NELL1: variants seen among roughly 807,000 people sequenced by gnomAD.
NELL1 encodes protein kinase C-binding protein NELL1.
In NELL1, 76 loss-of-function variants were observed where a neutral mutation model predicts 107.4. That is an observed-to-expected ratio of 0.71 (90% CI 0.59 to 0.86). The LOEUF (loss-of-function observed/expected upper bound fraction) is 0.86, where lower values mean the gene tolerates loss of function less well. Among genes scored for constraint, NELL1 ranks in the 40% least tolerant of loss-of-function variants. The probability of loss-of-function intolerance (pLI) is 0.00; values close to 1 mark genes in which losing one functional copy is unlikely to be tolerated. For synonymous variants in NELL1, 353 were observed against 341.2 expected, an observed-to-expected ratio of 1.03 and a Z score of -0.38; for missense variants, 1,024 against 1,005.5, an observed-to-expected ratio of 1.02 and a Z score of -0.25.
At chr11:21,544,040 A>G (rs1564951723) in intron 16 of NELL1, among the ~76,000 whole-genome samples, 1 of 151,962 alleles carries the variant, frequency 6.6e-6, no homozygotes, top group African/African-American at 2.4e-5. Flanking sequence ...TATCTTCCTA[A>G]TGGCAACTAT....
intron 14 of NELL1, among the ~76,000 whole-genome samples, chr11:21,319,493 T>TA (rs1491241950): frequency 4.2e-5 from 2 of 47,736 alleles, no homozygotes; most frequent in African/African-American, 1.3e-4. Flanking sequence ...CCCAGCTAAA[T>TA]TTATATATAT....
intron 13 of NELL1, among the ~76,000 whole-genome samples, chr11:21,155,974 G>A (rs1262545236): frequency 6.6e-6 from 1 of 152,140 alleles, no homozygotes; most frequent in African/African-American, 2.4e-5. Context: ...CACAGGTCTT[G>A]AATAAAACAG....
chr11:21,489,166 C>A (rs1854723345), intron 15 of NELL1, among the ~76,000 whole-genome samples: 1 of 151,382 alleles, frequency 6.6e-6, no homozygotes, highest in Non-Finnish European at 1.5e-5. Flanking sequence ...CACTAACAAA[C>A]CCCAAAACAT....
At chr11:21,441,668 A>C (rs1023148950) in intron 15 of NELL1, among the ~76,000 whole-genome samples, 4 of 152,114 alleles carry the variant, frequency 2.6e-5, no homozygotes, top group Non-Finnish European at 5.9e-5. Context: ...ATTGAAAAAA[A>C]TGTATGTTGA....
At chr11:21,524,398 C>T (rs920150038) in intron 15 of NELL1, among the ~76,000 whole-genome samples, 12 of 151,734 alleles carry the variant, frequency 7.9e-5, no homozygotes, top group African/African-American at 2.4e-4. Context: ...CTGTAAGAAT[C>T]GTAGAATATT....
intron 12 of NELL1, among the ~76,000 whole-genome samples, chr11:20,966,718 C>G (rs1429533310): frequency 6.6e-6 from 1 of 151,960 alleles, no homozygotes; most frequent in Non-Finnish European, 1.5e-5. Flanking sequence ...GAGCCTTGTT[C>G]CTGGGCCTGG....
At chr11:21,493,359 A>T (rs1361691652) in intron 15 of NELL1, among the ~76,000 whole-genome samples, 1 of 152,142 alleles carries the variant, frequency 6.6e-6, no homozygotes, top group Non-Finnish European at 1.5e-5. Context: ...AGACAAATGA[A>T]TAAAGTAAAT....
intron 12 of NELL1, among the ~76,000 whole-genome samples, chr11:21,054,885 C>T (rs1470240594): frequency 2.0e-5 from 3 of 151,974 alleles, no homozygotes; most frequent in Admixed American, 2.0e-4. Context: ...AATTGTCAGA[C>T]ATTTTTGATT....
intron 13 of NELL1, among the ~76,000 whole-genome samples, chr11:21,216,278 C>T (rs1857610836): frequency 6.6e-6 from 1 of 152,186 alleles, no homozygotes; most frequent in Non-Finnish European, 1.5e-5. Flanking sequence ...AAGTCTGCTG[C>T]AGAGGCAGAG....
intron 12 of NELL1, among the ~76,000 whole-genome samples, chr11:21,045,993 T>G (rs1390361965): frequency 6.6e-6 from 1 of 152,188 alleles, no homozygotes; most frequent in African/African-American, 2.4e-5. Flanking sequence ...TTCCATTGTA[T>G]TTTGTACCAT....
intron 13 of NELL1, among the ~76,000 whole-genome samples, chr11:21,129,967 G>A (rs765517882): frequency 3.9e-5 from 6 of 152,114 alleles, no homozygotes; most frequent in Admixed American, 1.3e-4. Context: ...GGGAAAAAAT[G>A]CCACCAGGGG....
chr11:21,373,340 G>A (rs992883950), intron 15 of NELL1, among the ~76,000 whole-genome samples: 2 of 152,050 alleles, frequency 1.3e-5, no homozygotes, highest in Non-Finnish European at 2.9e-5. Flanking sequence ...AAGTCTATTT[G>A]CCTTCAAATA....
intron 13 of NELL1, among the ~76,000 whole-genome samples, chr11:21,157,217 A>G (rs1383189554): frequency 1.3e-5 from 2 of 151,934 alleles, no homozygotes; most frequent in Admixed American, 1.3e-4. Context: ...AATTAAAGAA[A>G]TGAAACATCC....
At chr11:21,507,787 C>CTTTTAT (rs567035184) in intron 15 of NELL1, among the ~76,000 whole-genome samples, 4 of 144,602 alleles carry the variant, frequency 2.8e-5, no homozygotes, top group African/African-American at 1.0e-4. Flanking sequence ...CTTTTCTTTT[C>CTTTTAT]TTTTTTTTTT....
chr11:21,534,449 ACT>A lies in NELL1; in HGVS notation c.1722_1723del (p.His574GlnfsTer2). ...TGCGTTAACCTGCCAGGGTGGTACC[ACT>A]GTGAGTGCAGAAGCGGTTTCCATGA... On this transcript the variant is annotated frameshift_variant, in exon 16 of 20. Coordinates refer to ENST00000357134, the MANE Select transcript of NELL1 (RefSeq NM_006157.5). LOFTEE classifies it high-confidence loss of function. 1.2e-6 allele frequency: 2 copies of A among 1,613,870 alleles called. No homozygotes were observed. Among genetic ancestry groups the A allele is most frequent in the Non-Finnish European group, 1.7e-6 (2 of 1,179,850 alleles).
chr11:21,149,080 A>G (rs1856052336), intron 13 of NELL1, among the ~76,000 whole-genome samples: 1 of 152,114 alleles, frequency 6.6e-6, no homozygotes, highest in Non-Finnish European at 1.5e-5. Context: ...AGTTTTATTT[A>G]TGAAGGGAGA....
chr11:20,823,489 A>T (rs1229990028), intron 3 of NELL1, among the ~76,000 whole-genome samples: 2 of 151,300 alleles, frequency 1.3e-5, no homozygotes, highest in Non-Finnish European at 3.0e-5. Context: ...GGAGGGTCAC[A>T]TGGAAACATT....
chr11:21,551,547 C>T (rs1856584279), intron 16 of NELL1, among the ~76,000 whole-genome samples: 1 of 151,608 alleles, frequency 6.6e-6, no homozygotes, highest in Non-Finnish European at 1.5e-5. Context: ...TGCTCACCAT[C>T]ACTGGCCATC....
intron 5 of NELL1, among the ~76,000 whole-genome samples, chr11:20,915,717 A>ATATATATATATATATATATTTTTT: frequency 8.8e-4 from 51 of 58,200 alleles, no homozygotes; most frequent in South Asian, 1.2e-3. Context: ...ATATATATAT[A>ATATATATATATATATATATTTTTT]TTTTTTTTTT....
Sources: gnomAD v4.1 joint callset for allele counts (sites outside exome capture counted in the v4.1 genomes callset) on GRCh38, gnomAD v4.1.1 for gene constraint, MANE v1.5 for transcripts, NCBI Gene and HGNC (gene_info 2026-07-23, HGNC 2026-07-21) for gene names.